Variants in HELLS observed in about 807,000 individuals in gnomAD.
HELLS encodes helicase, lymphoid specific.
In HELLS, 32 loss-of-function variants were observed where a neutral mutation model predicts 120.0. The observed-to-expected ratio is 0.27, with a 90% confidence interval of 0.20 to 0.36. The LOEUF (loss-of-function observed/expected upper bound fraction) is 0.36, where lower values mean the gene tolerates loss of function less well. Ranked by LOEUF, HELLS falls within the 10% of genes least tolerant of loss-of-function variation. The pLI is 1.00. For synonymous variants in HELLS, 341 were observed against 323.4 expected, an observed-to-expected ratio of 1.05 and a Z score of -0.58; for missense variants, 650 against 993.4, an observed-to-expected ratio of 0.65 and a Z score of 4.65.
chr10:94,576,440 T>C (rs547902294), intron 9 of HELLS, among the ~76,000 whole-genome samples: 5 of 152,302 alleles, frequency 3.3e-5, no homozygotes, highest in South Asian at 2.1e-4. Flanking sequence ...GTGTGAGCCA[T>C]TGTGCTGGGC....
chr10:94,600,263 C>T (rs1845962155), intron 21 of HELLS, among the ~76,000 whole-genome samples: 1 of 150,726 alleles, frequency 6.6e-6, no homozygotes, highest in Non-Finnish European at 1.5e-5. Flanking sequence ...TGCACTCCAG[C>T]CTGGGTGACA....
At position 94,574,292 on chromosome 10, in the gene HELLS, A is replaced by T. The variant is rs1352828111; in HGVS notation, c.705+105A>T. On this transcript the variant is annotated intron_variant, in intron 8 of 21. Coordinates refer to ENST00000348459, the MANE Select transcript of HELLS (RefSeq NM_018063.5). ...GTCATTTCTATCATGTTTCACTATT[A>T]TACATTTGTATGTGGATACTTGCTT... The T allele has an allele frequency of 3.9e-6, 3 of 778,900 alleles. No individual in the cohort carries two copies. In the Admixed American group the frequency reaches 8.1e-5, roughly 21 times the overall value. The allele number at this position is 778,900 out of a possible 1,614,324, so 48.2% of individuals were successfully genotyped here.
intron 2 of HELLS, 114 bp from the exon 3 acceptor site, chr10:94,554,012 G>T: frequency 1.1e-5 from 10 of 915,066 alleles, no homozygotes; most frequent in Admixed American, 3.1e-5. Flanking sequence ...TTTTTGGTTT[G>T]AAAGTGTTTG....
chr10:94,609,243 G>A (rs527681872), intron 9 of HELLS, among the ~76,000 whole-genome samples: 4 of 151,782 alleles, frequency 2.6e-5, no homozygotes, highest in East Asian at 1.9e-4. Flanking sequence ...GGCTAGTCTC[G>A]AACTCCTGAC....
At chr10:94,601,468 T>C in intron 21 of HELLS, 60 bp from the exon 22 acceptor site, 1 of 927,578 alleles carries the variant, frequency 1.1e-6, no homozygotes, top group Non-Finnish European at 1.7e-6. Flanking sequence ...TGGATGTTTC[T>C]TTTACGATTT....
chr10:94,550,515 C>A (rs984479028), intron 2 of HELLS, among the ~76,000 whole-genome samples: 1 of 151,960 alleles, frequency 6.6e-6, no homozygotes, highest in South Asian at 2.1e-4. Context: ...CTCCTGACAT[C>A]GTGATCTGCC....
rs556362838 is a variant in HELLS at position 94,601,610 on chromosome 10, A to G, written c.2505A>G (p.Glu835=). 2 of 1,550,718 alleles carry G rather than the reference A, an allele frequency of 1.3e-6. No homozygotes were observed. The highest frequency in any genetic ancestry group is 1.4e-5 in the African/African-American group (1 of 73,116). ...AAAATTCTGAAGATTCCAGTCCTGA[A>G]TGTTTGTTTTAAAGTGGAGCTCAAG... is the stretch of plus-strand genomic sequence containing the variant. ...ILENSEDSSP[E]CLF is the part of the protein sequence containing the mutation. The change falls in exon 22 of 22, where the codon GAA becomes GAG. Residue 835 remains glutamate (E), a synonymous_variant. Transcript: ENST00000348459.
At chr10:94,596,782 C>T in intron 19 of HELLS, 78 bp from the exon 20 acceptor site, 2 of 732,064 alleles carry the variant, frequency 2.7e-6, no homozygotes, top group Non-Finnish European at 4.7e-6. Flanking sequence ...TAATGCAAGC[C>T]ATTGTGATTG....
At chr10:94,580,139 AT>A (rs1844765784) in intron 10 of HELLS, among the ~76,000 whole-genome samples, 2 of 70,766 alleles carry the variant, frequency 2.8e-5, no homozygotes, top group Non-Finnish European at 5.3e-5. Context: ...ATATATATAT[AT>A]ATATATATAT....
At chr10:94,581,261 G>A (rs929847189) in intron 10 of HELLS, 65 bp from the exon 11 acceptor site, 12 of 993,800 alleles carry the variant, frequency 1.2e-5, no homozygotes, top group African/African-American at 1.6e-5. Flanking sequence ...TTTATTTTTA[G>A]AATTCTTGTT....
intron 19 of HELLS, among the ~76,000 whole-genome samples, chr10:94,595,755 G>A (rs574431527): frequency 9.9e-5 from 15 of 152,230 alleles, no homozygotes; most frequent in Non-Finnish European, 1.9e-4. Context: ...TGGCTTGATA[G>A]CTACCTGAAG....
intron 12 of HELLS, among the ~76,000 whole-genome samples, chr10:94,587,427 T>TG (rs1554833999): frequency 2.7e-5 from 4 of 150,766 alleles, no homozygotes; most frequent in African/African-American, 9.7e-5. Context: ...TTATACACTT[T>TG]TGTGTGTGTG....
chr10:94,557,436 TTAAAAAATTTG>T (rs1843325716), intron 3 of HELLS, among the ~76,000 whole-genome samples: 1 of 152,202 alleles, frequency 6.6e-6, no homozygotes, highest in Non-Finnish European at 1.5e-5. Flanking sequence ...TTTGGTGTCT[TTAAAAAATTTG>T]TAAGAGTATG....
downstream of HELLS, chr10:94,602,165 A>C (rs1385719832): frequency 6.6e-6 from 1 of 152,348 alleles, no homozygotes; most frequent in Non-Finnish European, 1.5e-5. Flanking sequence ...GGCTGTCGGT[A>C]GGATTTGGTT....
chr10:94,549,878 T>A (rs1842899151), intron 2 of HELLS, among the ~76,000 whole-genome samples: 2 of 152,264 alleles, frequency 1.3e-5, no homozygotes, highest in South Asian at 4.1e-4. Flanking sequence ...TTGTATATTA[T>A]TTTTTTCCAT....
At chr10:94,608,636 G>T (rs1589773922) in intron 9 of HELLS, among the ~76,000 whole-genome samples, 1 of 148,122 alleles carries the variant, frequency 6.8e-6, no homozygotes, top group Non-Finnish European at 1.5e-5. Context: ...CAGTTTTTTA[G>T]TTTTTTTTTT....
intron 19 of HELLS, 118 bp downstream of exon 19, chr10:94,594,972 G>T: frequency 1.4e-6 from 1 of 732,392 alleles, no homozygotes; most frequent in Non-Finnish European, 2.2e-6. Context: ...TCTCACACCT[G>T]TAATCCTAGT....
chr10:94,562,166 G>T (rs35891778), intron 4 of HELLS, among the ~76,000 whole-genome samples: 26,545 of 151,854 alleles, frequency 0.17, 2,529 homozygotes, highest in African/African-American at 0.24. Context: ...CACTTGGGGA[G>T]GCCTAGGCGG....
At chr10:94,553,998 C>A (rs899454258) in intron 2 of HELLS, 128 bp from the exon 3 acceptor site, 7 of 727,478 alleles carry the variant, frequency 9.6e-6, no homozygotes, top group Admixed American at 3.3e-5. Flanking sequence ...GTTATTTGTT[C>A]CAGTTTTTGG....
Sources: allele counts gnomAD v4.1 joint callset (sites outside exome capture counted in the v4.1 genomes callset), GRCh38; gene constraint gnomAD v4.1.1; transcripts MANE v1.5; gene names NCBI Gene and HGNC (gene_info 2026-07-23, HGNC 2026-07-21).